Variants in NOSIP observed in about 807,000 individuals in gnomAD.
The protein encoded by NOSIP is nitric oxide synthase interacting protein.
A neutral mutation model predicts 36.4 loss-of-function variants in NOSIP; 25 were observed. That is an observed-to-expected ratio of 0.69 (90% CI 0.50 to 0.96). The LOEUF is 0.96. Ranked by LOEUF, NOSIP falls within the 40% of genes least tolerant of loss-of-function variation. The probability of loss-of-function intolerance (pLI) is 0.00; values close to 1 mark genes in which losing one functional copy is unlikely to be tolerated. For synonymous variants in NOSIP, 187 were observed against 179.2 expected, an observed-to-expected ratio of 1.04 and a Z score of -0.35; for missense variants, 370 against 429.0, an observed-to-expected ratio of 0.86 and a Z score of 1.21.
In NOSIP at chr19:49,556,774, G is replaced by T. The variant is rs759502889; in HGVS notation, c.538-38C>A. 6 of 1,583,634 alleles carry T rather than the reference G, an allele frequency of 3.8e-6. No homozygotes were observed. The East Asian group carries it at 1.1e-4, about 30-fold the overall frequency. On this transcript the variant is annotated intron_variant, in intron 6 of 8. Transcript: ENST00000596358. ...GAGAGAGGCGGGCTCAGTAGGCAGG[G>T]CTGGCGCAGGTGGAGAGCGCGTGGT...
rs1194132650 is a variant in NOSIP, at chr19:49,560,347, G to T, written c.70+275C>A. ...AGCTCAAGTGCCTGTCCCTCTTTGG[G>T]CCTCAGTTTCTTCCTCTGGAACATG... On this transcript the variant is annotated intron_variant, in intron 2 of 8. Coordinates refer to ENST00000596358, the MANE Select transcript of NOSIP (RefSeq NM_001270960.2). The surrounding 1 kb of genome is among the most constrained non-coding windows in gnomAD (Gnocchi z 4.6). 1.7e-6 allele frequency: 1 copy of T among 576,498 alleles called. No individual in the cohort carries two copies. The highest frequency in any genetic ancestry group is 1.9e-5 in the African/African-American group (1 of 53,334). The allele number at this position is 576,498 out of a possible 1,614,324, so 35.7% of individuals were successfully genotyped here. A position where few individuals can be genotyped will look rare whatever the true frequency, so the allele number is the denominator to read the frequency against.
chr19:49,562,399 C>T (rs2080348060), intron 1 of NOSIP, among the ~76,000 whole-genome samples: 1 of 151,296 alleles, frequency 6.6e-6, no homozygotes, highest in Non-Finnish European at 1.5e-5. Flanking sequence ...GCTGGGATTA[C>T]AGGCGTGAGT....
In NOSIP at chr19:49,565,769, A is replaced by G. The variant is rs75600346; in HGVS notation, c.-1-5077T>C. Among the ~76,000 whole-genome samples, 61 of 139,992 alleles carry G rather than the reference A, an allele frequency of 4.4e-4. 1 individual carries two copies. The highest frequency in any genetic ancestry group is 1.5e-3 in the African/African-American group (48 of 32,144). The allele number at this position is 139,992 out of a possible 152,430, so 91.8% of individuals were successfully genotyped here. On this transcript the variant is annotated intron_variant, in intron 1 of 8. Transcript: ENST00000596358. Reference sequence around the variant, plus strand: ...TGAGAACCTGTCTCAAAAGAAAAAAAAAAGAAAGAAAGAAAGAAATTAATG... The same window carrying G: ...TGAGAACCTGTCTCAAAAGAAAAAAGAAAGAAAGAAAGAAAGAAATTAATG...
In NOSIP at chr19:49,578,257, G is replaced by C. The variant is rs147916365; in HGVS notation, c.-2+2258C>G. 5.3e-5 allele frequency among the ~76,000 whole-genome samples: 8 copies of C among 152,016 alleles called. No homozygotes were observed. In the East Asian group the frequency reaches 1.6e-3, roughly 29 times the overall value. ...TCCTGCCTCAGCCTCCTGAGTAGCT[G>C]GGATTATAGGTGCCAGCCACCATGA... On this transcript the variant is annotated intron_variant, in intron 1 of 8. Transcript: ENST00000596358.
At position 49,560,270 on chromosome 19, in the gene NOSIP, C is replaced by G. The variant is rs1259854120; in HGVS notation, c.71-231G>C. On this transcript the variant is annotated intron_variant, in intron 2 of 8. Coordinates refer to ENST00000596358, the MANE Select transcript of NOSIP (RefSeq NM_001270960.2). The surrounding 1 kb of genome is among the most constrained non-coding windows in gnomAD (Gnocchi z 4.6). The stretch of plus-strand genomic sequence containing the variant: ...GACAGGCCTGGTCACTGAGTGGCAG[C>G]TTGGTGGAGGGGCTGACGGCTGACT... 1.4e-4 allele frequency: 82 copies of G among 580,422 alleles called. No homozygotes were observed. Among genetic ancestry groups the G allele is most frequent in the Middle Eastern group, 1.4e-3 (3 of 2,176 alleles). 36.0% of individuals were successfully genotyped at this position (580,422 alleles called of 1,614,324 possible).
chr19:49,557,450 T>C lies in NOSIP; in HGVS notation c.259-201A>G. On this transcript the variant is annotated intron_variant, in intron 4 of 8. Coordinates refer to ENST00000596358, the MANE Select transcript of NOSIP (RefSeq NM_001270960.2). The stretch of plus-strand genomic sequence containing the variant: ...AGACTGCCAGGGCTCAAAGCCCATC[T>C]CTGTCACTCTGTGGCCTAAGTGAGC... The C allele has an allele frequency of 2.1e-6, 3 of 1,415,300 alleles. No homozygotes were observed. The East Asian group carries it at 7.6e-5, about 36-fold the overall frequency. 87.7% of individuals were successfully genotyped at this position (1,415,300 alleles called of 1,614,324 possible). A position where few individuals can be genotyped will look rare whatever the true frequency, so the allele number is the denominator to read the frequency against.
intron 8 of NOSIP, 109 bp from the exon 9 acceptor site, chr19:49,555,931 G>A: frequency 1.3e-6 from 1 of 775,360 alleles, no homozygotes; most frequent in Non-Finnish European, 2.2e-6. Context: ...GCGGGTTGCT[G>A]GCTAAGGAGT....
At chr19:49,577,781 A>T (rs1225679881) in intron 1 of NOSIP, among the ~76,000 whole-genome samples, 2 of 151,458 alleles carry the variant, frequency 1.3e-5, no homozygotes, top group African/African-American at 4.9e-5. Flanking sequence ...AAAAAAAAAA[A>T]AAAGAAGTAT....
At chr19:49,574,772 G>A (rs1353445478) in intron 1 of NOSIP, among the ~76,000 whole-genome samples, 2 of 152,026 alleles carry the variant, frequency 1.3e-5, no homozygotes, top group African/African-American at 2.4e-5. Context: ...GGAGTGCAGC[G>A]GCGGATCTCG....
In NOSIP at chr19:49,557,986, T is replaced by C. The variant is rs185048862; in HGVS notation, c.259-737A>G. 5.2e-6 allele frequency: 5 copies of C among 964,408 alleles called. No individual in the cohort carries two copies. The African/African-American group carries it at 7.0e-5, about 14-fold the overall frequency. The allele number at this position is 964,408 out of a possible 1,614,324, so 59.7% of individuals were successfully genotyped here. ...AGCCCAATAAGCATGTGACCTGTAG[T>C]GTTTCCTGAGCGCCAGCAACCAGGC... is the stretch of plus-strand genomic sequence containing the variant. On this transcript the variant is annotated intron_variant, in intron 4 of 8. Coordinates refer to ENST00000596358, the MANE Select transcript of NOSIP (RefSeq NM_001270960.2).
intron 4 of NOSIP, chr19:49,558,039 G>T (rs1048233212): frequency 3.2e-5 from 18 of 557,650 alleles, no homozygotes; most frequent in Non-Finnish European, 3.9e-5. Context: ...GACCCACTGT[G>T]CCTCAAACAG....
chr19:49,571,528 T>C (rs2122164546), intron 1 of NOSIP, among the ~76,000 whole-genome samples: 1 of 152,262 alleles, frequency 6.6e-6, no homozygotes, highest in South Asian at 2.1e-4. Context: ...GAGCGACCGA[T>C]GTCAGCATAA....
At chr19:49,569,732 C>T (rs1329085093) in intron 1 of NOSIP, among the ~76,000 whole-genome samples, 1 of 151,532 alleles carries the variant, frequency 6.6e-6, no homozygotes, top group African/African-American at 2.4e-5. Flanking sequence ...TGCTTGAACC[C>T]GGGAGGTGGA....
intron 1 of NOSIP, among the ~76,000 whole-genome samples, chr19:49,576,777 G>A (rs748244489): frequency 5.9e-5 from 9 of 151,380 alleles, no homozygotes; most frequent in African/African-American, 1.7e-4. Context: ...CCAGCTACTC[G>A]GGAGGCTGAA....
intron 1 of NOSIP, among the ~76,000 whole-genome samples, chr19:49,568,795 A>AATTT (rs2080443811): frequency 1.6e-5 from 2 of 123,332 alleles, no homozygotes; most frequent in East Asian, 2.1e-4. Context: ...AAAAAAAAAA[A>AATTT]TAGTTTGTTT....
At chr19:49,566,578 G>A (rs2122127525) in intron 1 of NOSIP, 1 of 152,126 alleles carries the variant, frequency 6.6e-6, no homozygotes, top group Middle Eastern at 3.4e-3. Flanking sequence ...TAGGATGAAG[G>A]GTATGAGCTA....
Position 49,559,926 on chromosome 19 carries a change from C to T in NOSIP, c.176+8G>A. On this transcript the variant is annotated splice_region_variant and intron_variant, in intron 3 of 8. Transcript: ENST00000596358. ...ACCCAGACCTACCCATCCCTGTTCC[C>T]AGCTCACGTGACAACAGGATCGTGG... 6.2e-7 allele frequency: 1 copy of T among 1,606,574 alleles called. No individual in the cohort carries two copies. The highest frequency in any genetic ancestry group is 1.7e-5 in the Admixed American group (1 of 59,534).
Position 49,557,204 on chromosome 19 carries a change from G to C in NOSIP, c.304C>G (p.Leu102Val). 1 of 1,602,412 alleles carries C rather than the reference G, an allele frequency of 6.2e-7. No individual in the cohort carries two copies. Among genetic ancestry groups the C allele is most frequent in the Non-Finnish European group, 8.5e-7 (1 of 1,175,124 alleles). Residue 102 changes from leucine (L) to valine (V), a missense_variant, in exon 5 of 9, where the codon CTT (leucine) becomes GTT (valine). Leu to Val is a conservative substitution (Grantham distance 32). Around this residue, in one of 3 missense-constraint regions of NOSIP, gnomAD observed 315 missense variants for 331.9 expected, o/e 0.95. Transcript: ENST00000596358. ...TGGTCCTGCGAGGCCGCCCGCTGAA[G>C]CTCCTTCTGCTCCTCGCGCCGGGTG... Reference protein sequence around the residue: ...RGTRREEQKELQRAASQDHVR... With the variant: ...RGTRREEQKEVQRAASQDHVR...
At chr19:49,565,117 CAT>C (rs1434884879) in intron 1 of NOSIP, among the ~76,000 whole-genome samples, 1 of 151,860 alleles carries the variant, frequency 6.6e-6, no homozygotes, top group Non-Finnish European at 1.5e-5. Flanking sequence ...CACTACAAAA[CAT>C]AGAAAAATTA....
Sources: gnomAD v4.1 joint callset for allele counts (sites outside exome capture counted in the v4.1 genomes callset) on GRCh38, gnomAD v4.1.1 for gene constraint, gnomAD v4.1.1 regional missense constraint, Gnocchi (gnomAD v3.1) non-coding constraint, MANE v1.5 for transcripts, NCBI Gene and HGNC (gene_info 2026-07-23, HGNC 2026-07-21) for gene names.